The following ZNF827 variants were observed in gnomAD, a reference collection of about 807,000 sequenced individuals.
The protein encoded by ZNF827 is zinc finger protein 827.
In ZNF827, 13 loss-of-function variants were observed where a neutral mutation model predicts 102.4. The observed-to-expected ratio is 0.13, with a 90% confidence interval of 0.08 to 0.20. ZNF827 has a LOEUF of 0.20. ZNF827 is among the 10% of genes least tolerant of loss of function. The pLI, the probability that ZNF827 is intolerant of heterozygous loss-of-function variation, is 1.00. For synonymous variants in ZNF827, 523 were observed against 536.2 expected, an observed-to-expected ratio of 0.98 and a Z score of 0.34; for missense variants, 1,103 against 1,344.4, an observed-to-expected ratio of 0.82 and a Z score of 2.81.
chr4:145,877,042 CT>C (rs950594939), intron 4 of ZNF827, among the ~76,000 whole-genome samples: 13 of 152,034 alleles, frequency 8.6e-5, no homozygotes, highest in African/African-American at 2.7e-4. Flanking sequence ...CAAATAGCAA[CT>C]TTTTTTCCCC....
intron 8 of ZNF827, chr4:145,820,191 A>G (rs970415211): frequency 6.6e-6 from 1 of 152,600 alleles, no homozygotes; most frequent in Non-Finnish European, 1.5e-5. Flanking sequence ...GCACTTCCTT[A>G]CCCTGTGGTC....
At chr4:145,833,562 T>G (rs1023522597) in intron 7 of ZNF827, among the ~76,000 whole-genome samples, 1 of 150,330 alleles carries the variant, frequency 6.7e-6, no homozygotes, top group African/African-American at 2.5e-5. Context: ...CAAGTACCAC[T>G]CAACCCCTTC....
At chr4:145,807,533 C>T (rs940460971) in intron 8 of ZNF827, among the ~76,000 whole-genome samples, 5 of 151,024 alleles carry the variant, frequency 3.3e-5, no homozygotes, top group Non-Finnish European at 4.4e-5. Context: ...AGTGCAGTGG[C>T]GCCATCTCAG....
intron 1 of ZNF827, among the ~76,000 whole-genome samples, chr4:145,934,199 A>G (rs1301840097): frequency 6.6e-6 from 1 of 152,230 alleles, no homozygotes; most frequent in Non-Finnish European, 1.5e-5. Flanking sequence ...CCTCAAAAAT[A>G]GTGTAGGTTT....
intron 8 of ZNF827, among the ~76,000 whole-genome samples, chr4:145,817,915 T>C (rs982951356): frequency 6.6e-6 from 1 of 152,276 alleles, no homozygotes; most frequent in Non-Finnish European, 1.5e-5. Flanking sequence ...ACCATTTCTA[T>C]GAACCAGATG....
chr4:145,834,486 C>G (rs372473089), intron 7 of ZNF827, among the ~76,000 whole-genome samples: 1 of 152,152 alleles, frequency 6.6e-6, no homozygotes, highest in Admixed American at 6.5e-5. Flanking sequence ...CCTATATAAT[C>G]TTTTTATCAC....
chr4:145,805,809 CG>C (rs1741370822), intron 8 of ZNF827, among the ~76,000 whole-genome samples: 1 of 151,850 alleles, frequency 6.6e-6, no homozygotes, highest in African/African-American at 2.4e-5. Flanking sequence ...CTCACCCTGA[CG>C]TCAGGGCCTT....
At chr4:145,768,898 T>A (rs1176909005) in intron 11 of ZNF827, among the ~76,000 whole-genome samples, 18 of 18,630 alleles carry the variant, frequency 9.7e-4, no homozygotes, top group Non-Finnish European at 1.5e-3. Context: ...AAAATATATA[T>A]ATATATATAT....
intron 1 of ZNF827, among the ~76,000 whole-genome samples, chr4:145,916,474 T>C (rs1462653306): frequency 6.6e-6 from 1 of 152,104 alleles, no homozygotes; most frequent in Non-Finnish European, 1.5e-5. Flanking sequence ...TCTTTGGACA[T>C]TTCCTTTCCC....
chr4:145,845,715 C>A (rs1745864278), intron 7 of ZNF827, among the ~76,000 whole-genome samples: 1 of 152,172 alleles, frequency 6.6e-6, no homozygotes, highest in African/African-American at 2.4e-5. Flanking sequence ...AAAACAATAA[C>A]ATATGGAAAA....
intron 8 of ZNF827, among the ~76,000 whole-genome samples, chr4:145,819,320 G>A (rs1742914264): frequency 6.6e-6 from 1 of 152,072 alleles, no homozygotes; most frequent in Admixed American, 6.5e-5. Flanking sequence ...GCTTAATACA[G>A]AGCAAACATA....
intron 8 of ZNF827, among the ~76,000 whole-genome samples, chr4:145,803,914 C>T (rs1741160794): frequency 7.3e-6 from 1 of 137,314 alleles, no homozygotes. Context: ...GTAGTTTACC[C>T]TAACTTCATA....
At chr4:145,812,848 G>T (rs1199514566) in intron 8 of ZNF827, among the ~76,000 whole-genome samples, 1 of 152,172 alleles carries the variant, frequency 6.6e-6, no homozygotes, top group Non-Finnish European at 1.5e-5. Flanking sequence ...TATTCTAAAA[G>T]GAGAGTTACT....
chr4:145,858,907 C>T (rs1747438809), intron 5 of ZNF827, among the ~76,000 whole-genome samples: 1 of 152,134 alleles, frequency 6.6e-6, no homozygotes, highest in South Asian at 2.1e-4. Flanking sequence ...TATATGCAGA[C>T]AAGTTTAACA....
chr4:145,823,059 A>G (rs998992316), intron 8 of ZNF827, among the ~76,000 whole-genome samples: 1 of 152,176 alleles, frequency 6.6e-6, no homozygotes, highest in African/African-American at 2.4e-5. Context: ...ACTGGGGACT[A>G]GCACTCTTCG....
At chr4:145,824,684 G>A (rs574704075) in intron 7 of ZNF827, among the ~76,000 whole-genome samples, 4 of 152,144 alleles carry the variant, frequency 2.6e-5, no homozygotes, top group African/African-American at 4.8e-5. Context: ...TGAACCTTCT[G>A]GAAGGCAGGG....
intron 2 of ZNF827, among the ~76,000 whole-genome samples, chr4:145,898,608 G>A (rs536682077): frequency 1.8e-4 from 27 of 152,232 alleles, no homozygotes; most frequent in African/African-American, 6.0e-4. Context: ...TCCCTCTATC[G>A]TGTCCCCTTT....
chr4:145,798,592 G>A (rs773471191), intron 8 of ZNF827, among the ~76,000 whole-genome samples: 14 of 152,142 alleles, frequency 9.2e-5, no homozygotes, highest in Non-Finnish European at 1.3e-4. Flanking sequence ...CTTGAAACCC[G>A]GGAGATGGAG....
chr4:145,773,925 C>T (rs1028830845), intron 11 of ZNF827, among the ~76,000 whole-genome samples: 2 of 152,082 alleles, frequency 1.3e-5, no homozygotes, highest in Non-Finnish European at 2.9e-5. Flanking sequence ...AAGTGTTTCT[C>T]GGGGCTGTCA....
Sources: allele counts gnomAD v4.1 joint callset (sites outside exome capture counted in the v4.1 genomes callset), GRCh38; gene constraint gnomAD v4.1.1; transcripts MANE v1.5; gene names NCBI Gene and HGNC (gene_info 2026-07-23, HGNC 2026-07-21).